CREB3L2: variants seen among roughly 807,000 people sequenced by gnomAD.
CREB3L2 encodes cyclic AMP-responsive element-binding protein 3-like protein 2.
A neutral mutation model predicts 57.2 loss-of-function variants in CREB3L2; 23 were observed. The observed-to-expected ratio is 0.40, with a 90% CI of 0.29 to 0.57. The LOEUF (loss-of-function observed/expected upper bound fraction) is 0.57. CREB3L2 is among the 20% of genes least tolerant of loss of function. The pLI, the probability that CREB3L2 is intolerant of heterozygous loss-of-function variation, is 0.42. For missense variants in CREB3L2, 628 were observed against 634.7 expected (o/e 0.99, Z 0.11); for synonymous variants, 268 against 265.1 (o/e 1.01, Z -0.11).
intron 6 of CREB3L2, among the ~76,000 whole-genome samples, chr7:137,904,555 T>C (rs1031723006): frequency 2.0e-5 from 3 of 151,934 alleles, no homozygotes; most frequent in African/African-American, 4.8e-5. Context: ...TCCCAGCTAA[T>C]TGGGAGGCTG....
In CREB3L2 at chr7:137,905,862, G is replaced by T; in HGVS notation, c.769-14C>A. 6.3e-7 allele frequency: 1 copy of T among 1,587,082 alleles called. No individual in the cohort carries two copies. The highest frequency in any genetic ancestry group is 8.5e-7 in the Non-Finnish European group (1 of 1,169,762). ...TCCCTGCAGTTTCTGTGCAGACCAAGGAGCAGAAAAGGGTCAAAGAAAAAG... is the reference window on the plus strand; with the variant it reads ...TCCCTGCAGTTTCTGTGCAGACCAATGAGCAGAAAAGGGTCAAAGAAAAAG... On this transcript the variant is annotated splice_polypyrimidine_tract_variant and intron_variant, in intron 5 of 11. Coordinates refer to ENST00000330387, the MANE Select transcript of CREB3L2 (RefSeq NM_194071.4).
intron 1 of CREB3L2, among the ~76,000 whole-genome samples, chr7:137,963,644 C>T (rs1463350742): frequency 1.1e-4 from 17 of 152,142 alleles, no homozygotes; most frequent in Admixed American, 1.1e-3. Context: ...TCCTCCTTCA[C>T]GAACTGTATT....
chr7:137,960,348 A>C (rs1471511934), intron 1 of CREB3L2, among the ~76,000 whole-genome samples: 2 of 152,226 alleles, frequency 1.3e-5, no homozygotes, highest in East Asian at 3.8e-4. Context: ...GCAAGCTTAA[A>C]ATACAGTGAC....
intron 1 of CREB3L2, among the ~76,000 whole-genome samples, chr7:137,931,208 G>C (rs146977068): frequency 9.2e-5 from 14 of 151,982 alleles, no homozygotes; most frequent in African/African-American, 3.4e-4. Context: ...CTCCAGCCCA[G>C]GTGATGGAGT....
At chr7:137,902,783 T>C (rs1350339420) in intron 7 of CREB3L2, among the ~76,000 whole-genome samples, 2 of 113,772 alleles carry the variant, frequency 1.8e-5, no homozygotes, top group Admixed American at 9.8e-5. Context: ...TATTATTTTT[T>C]ATTGTTGTAG....
intron 2 of CREB3L2, among the ~76,000 whole-genome samples, chr7:137,920,050 G>C (rs1010165059): frequency 7.2e-5 from 11 of 152,166 alleles, no homozygotes; most frequent in African/African-American, 2.4e-4. Context: ...TTGCCCATGG[G>C]GGTGTTTAGA....
chr7:137,879,968 G>A lies in CREB3L2; in HGVS notation c.*508C>T. ...ACGATCCAGCGAGGGCTCCCAGGGG[G>A]CAGAGTGGGCGGAGGGCTGCTGTCG... On this transcript the variant is annotated 3_prime_UTR_variant, in exon 12 of 12. Transcript: ENST00000330387. 4.2e-6 allele frequency: 1 copy of A among 238,318 alleles called. No homozygotes were observed. Among genetic ancestry groups the A allele is most frequent in the Non-Finnish European group, 8.3e-6 (1 of 121,004 alleles). The allele number at this position is 238,318 out of a possible 1,614,324, so 14.8% of individuals were successfully genotyped here.
intron 4 of CREB3L2, among the ~76,000 whole-genome samples, chr7:137,909,313 A>C: frequency 6.6e-6 from 1 of 151,998 alleles, no homozygotes; most frequent in Non-Finnish European, 1.5e-5. Context: ...GAGGCACAAC[A>C]CCCTCTCTGC....
intron 8 of CREB3L2, among the ~76,000 whole-genome samples, chr7:137,893,331 T>C (rs917983999): frequency 2.0e-5 from 3 of 152,204 alleles, no homozygotes; most frequent in African/African-American, 7.2e-5. Context: ...AAGTTTGAAA[T>C]ATTTCCATGT....
rs544544440 is a variant in CREB3L2 at position 137,945,805 on chromosome 7, C to T, written c.103-17439G>A. ...GCTCCTCTTTATTCACCCGCCTCCTCATGAGGGTGGGCTCTGAAATGACTC... is the reference window on the plus strand; with the variant it reads ...GCTCCTCTTTATTCACCCGCCTCCTTATGAGGGTGGGCTCTGAAATGACTC... On this transcript the variant is annotated intron_variant, in intron 1 of 11. Transcript: ENST00000330387. 7.9e-5 allele frequency among the ~76,000 whole-genome samples: 12 copies of T among 152,318 alleles called. No individual in the cohort carries two copies. The South Asian group carries it at 2.5e-3, about 32-fold the overall frequency.
chr7:137,971,945 A>C (rs887731852), intron 1 of CREB3L2, among the ~76,000 whole-genome samples: 7 of 150,756 alleles, frequency 4.6e-5, no homozygotes, highest in African/African-American at 1.7e-4. Context: ...AAAAAAAAAA[A>C]TAATGGCTAA....
intron 1 of CREB3L2, among the ~76,000 whole-genome samples, chr7:137,977,820 C>T (rs563025759): frequency 1.3e-5 from 2 of 152,072 alleles, no homozygotes; most frequent in South Asian, 4.2e-4. Context: ...ACTGGGGAGG[C>T]TGAGGCATGA....
At chr7:137,882,731 G>A in intron 10 of CREB3L2, 103 bp from the exon 11 acceptor site, 2 of 758,048 alleles carry the variant, frequency 2.6e-6, no homozygotes, top group Admixed American at 3.0e-5. Flanking sequence ...GACAATGTGT[G>A]TGTTCTCGTT....
At chr7:138,000,622 TA>T (rs1802057386) in intron 1 of CREB3L2, among the ~76,000 whole-genome samples, 1 of 151,926 alleles carries the variant, frequency 6.6e-6, no homozygotes, top group Non-Finnish European at 1.5e-5. Flanking sequence ...CTGACCCCAT[TA>T]AAAAAGCGTG....
At chr7:137,906,936 C>A (rs900193557) in intron 5 of CREB3L2, among the ~76,000 whole-genome samples, 3 of 152,190 alleles carry the variant, frequency 2.0e-5, no homozygotes, top group African/African-American at 7.2e-5. Context: ...TTGTAAATTG[C>A]CCAATCTCGG....
At chr7:137,995,018 A>G (rs533810248) in intron 1 of CREB3L2, among the ~76,000 whole-genome samples, 59 of 152,370 alleles carry the variant, frequency 3.9e-4, no homozygotes, top group African/African-American at 1.4e-3. Flanking sequence ...AGCTGATAAT[A>G]TAAATCCCAT....
rs1799191917 is a variant in CREB3L2, at chr7:137,877,807, C to A, written c.*2669G>T. On this transcript the variant is annotated 3_prime_UTR_variant, in exon 12 of 12. Transcript: ENST00000330387. ...AGGCCACTTGGTGGGGAAAACAAAT[C>A]CACTGATATTCTGGTCTTAATCCCT... 8.7e-6 allele frequency: 2 copies of A among 228,592 alleles called. No individual in the cohort carries two copies. The highest frequency in any genetic ancestry group is 1.7e-5 in the Non-Finnish European group (2 of 115,294). The allele number at this position is 228,592 out of a possible 1,614,324, so 14.2% of individuals were successfully genotyped here. A position where few individuals can be genotyped will look rare whatever the true frequency, so the allele number is the denominator to read the frequency against.
intron 5 of CREB3L2, among the ~76,000 whole-genome samples, chr7:137,907,013 G>C (rs1039733330): frequency 1.3e-5 from 2 of 152,184 alleles, no homozygotes; most frequent in African/African-American, 2.4e-5. Flanking sequence ...AAAATTTGAA[G>C]TAAGAGAACA....
chr7:137,905,444 G>A (rs1267403759), intron 6 of CREB3L2, among the ~76,000 whole-genome samples: 5 of 149,692 alleles, frequency 3.3e-5, no homozygotes, highest in Non-Finnish European at 5.9e-5. Context: ...CCTCCCACCC[G>A]TAAATGTATC....
Sources: gnomAD v4.1 joint callset for allele counts (sites outside exome capture counted in the v4.1 genomes callset) on GRCh38, gnomAD v4.1.1 for gene constraint, MANE v1.5 for transcripts, NCBI Gene and HGNC (gene_info 2026-07-23, HGNC 2026-07-21) for gene names.